The following CDCA2 variants were observed in gnomAD, a reference collection of about 807,000 sequenced individuals.
The protein encoded by CDCA2 is cell division cycle associated 2, also known as cell division cycle-associated protein 2.
A neutral mutation model predicts 67.0 loss-of-function variants in CDCA2; 44 were observed. That is an observed-to-expected ratio of 0.66 (90% CI 0.52 to 0.84). The LOEUF is 0.84. Among genes scored for constraint, CDCA2 ranks in the 40% least tolerant of loss-of-function variants. The probability of loss-of-function intolerance (pLI) is 0.00; values close to 1 mark genes in which losing one functional copy is unlikely to be tolerated. For missense variants in CDCA2, 1,253 were observed against 1,203.2 expected (o/e 1.04, Z -0.61); for synonymous variants, 447 against 418.7 (o/e 1.07, Z -0.82).
intron 4 of CDCA2, among the ~76,000 whole-genome samples, chr8:25,464,883 G>C (rs1802838604): frequency 6.6e-6 from 1 of 152,124 alleles, no homozygotes; most frequent in Non-Finnish European, 1.5e-5. Flanking sequence ...TAGAGAATTT[G>C]CTTTATATTT....
chr8:25,463,544 G>C (rs1440251804), intron 4 of CDCA2, among the ~76,000 whole-genome samples: 1 of 151,802 alleles, frequency 6.6e-6, no homozygotes, highest in Non-Finnish European at 1.5e-5. Flanking sequence ...GACTGTTCCT[G>C]GTTTATACAT....
At chr8:25,478,170 C>T (rs1325238197) in intron 7 of CDCA2, among the ~76,000 whole-genome samples, 31 of 152,056 alleles carry the variant, frequency 2.0e-4, no homozygotes. Flanking sequence ...AGCAATCCTT[C>T]CATTCCACCT....
Position 25,507,526 on chromosome 8 carries a change from G to A in CDCA2, c.2860G>A (p.Val954Ile), listed in dbSNP as rs147641260. ...ACAAAAACCGCAGATGGCACCTCCC[G>A]TCTCAGATCCAGAAAACAGCCAGGG... Reference protein sequence around the residue: ...SRQKPQMAPPVSDPENSQGPA... With the variant: ...SRQKPQMAPPISDPENSQGPA... The change falls in exon 15 of 15, where the codon GTC (valine) becomes ATC (isoleucine). Residue 954 changes from valine (V) to isoleucine (I), a missense_variant. Transcript: ENST00000330560. 284 of 1,613,780 alleles carry A rather than the reference G, an allele frequency of 1.8e-4. No homozygotes were observed. The highest frequency in any genetic ancestry group is 2.3e-4 in the Non-Finnish European group (268 of 1,179,968).
At chr8:25,497,059 TG>T (rs1804251729) in intron 13 of CDCA2, among the ~76,000 whole-genome samples, 1 of 151,862 alleles carries the variant, frequency 6.6e-6, no homozygotes, top group African/African-American at 2.4e-5. Flanking sequence ...CTCTGGTGAG[TG>T]ATGGTGGTAG....
Position 25,507,552 on chromosome 8 carries a change from C to T in CDCA2, c.2886C>T (p.Gly962=). 6.2e-7 allele frequency: 1 copy of T among 1,614,138 alleles called. No individual in the cohort carries two copies. The highest frequency in any genetic ancestry group is 8.5e-7 in the Non-Finnish European group (1 of 1,179,998). Residue 962 remains glycine, a synonymous_variant, in exon 15 of 15, where the codon GGC becomes GGT. Coordinates refer to ENST00000330560, the MANE Select transcript of CDCA2 (RefSeq NM_152562.4). ...TCTCAGATCCAGAAAACAGCCAGGG[C>T]CCTGCTGCTGGTTCTTCCGATGAAC... ...PPVSDPENSQ[G]PAAGSSDEPG...
At chr8:25,498,234 G>A (rs1425686528) in intron 13 of CDCA2, among the ~76,000 whole-genome samples, 2 of 152,102 alleles carry the variant, frequency 1.3e-5, no homozygotes, top group South Asian at 2.1e-4. Context: ...TTGGAATGGA[G>A]TCTCGCTCTG....
At chr8:25,481,233 C>CAAA (rs11438950) in intron 8 of CDCA2, among the ~76,000 whole-genome samples, 18 of 128,724 alleles carry the variant, frequency 1.4e-4, no homozygotes, top group Non-Finnish European at 2.3e-4. Flanking sequence ...CAGTCTGGGA[C>CAAA]AAAAAAAAAA....
chr8:25,460,584 C>G (rs1220718669), intron 3 of CDCA2, 30 bp downstream of exon 3: 2 of 1,582,680 alleles, frequency 1.3e-6, no homozygotes, highest in African/African-American at 1.4e-5. Context: ...TGTTGTAATG[C>G]TTTTCAAGTT....
chr8:25,469,831 C>G, intron 6 of CDCA2, 65 bp from the exon 7 acceptor site: 1 of 975,714 alleles, frequency 1.0e-6, no homozygotes, highest in Non-Finnish European at 1.6e-6. Context: ...TTACTCAAAT[C>G]TTCAAAAAGG....
Position 25,507,514 on chromosome 8 carries a change from A to T in CDCA2, c.2848A>T (p.Met950Leu), listed in dbSNP as rs1804732446. Residue 950 changes from methionine to leucine, a missense_variant, in exon 15 of 15, where the codon ATG (methionine) becomes TTG (leucine). By Grantham distance (15) the Met-to-Leu change is conservative. Transcript: ENST00000330560. The part of the protein sequence containing the change: ...ETVSSRQKPQ[M>L]APPVSDPENS... ...TGTGTCCTCCAGACAAAAACCGCAGATGGCACCTCCCGTCTCAGATCCAGA... is the reference window on the plus strand; with the variant it reads ...TGTGTCCTCCAGACAAAAACCGCAGTTGGCACCTCCCGTCTCAGATCCAGA... 1.2e-6 allele frequency: 2 copies of T among 1,613,834 alleles called. No individual in the cohort carries two copies. Among genetic ancestry groups the T allele is most frequent in the Non-Finnish European group, 1.7e-6 (2 of 1,179,926 alleles).
In CDCA2 at chr8:25,503,601, T is replaced by C. The variant is rs775323499; in HGVS notation, c.1843+57T>C. 9.9e-6 allele frequency: 15 copies of C among 1,522,366 alleles called. No homozygotes were observed. In the African/African-American group the frequency reaches 2.0e-4, roughly 20 times the overall value. The allele number at this position is 1,522,366 out of a possible 1,614,324, so 94.3% of individuals were successfully genotyped here. ...TATCTTTTCTCTTCACCCTCTTTGT[T>C]GCTATTTTACTTTTTTCACTTTTTT... On this transcript the variant is annotated intron_variant, in intron 14 of 14. Transcript: ENST00000330560.
intron 4 of CDCA2, among the ~76,000 whole-genome samples, chr8:25,464,755 T>C (rs574576533): frequency 6.6e-6 from 1 of 152,340 alleles, no homozygotes; most frequent in Admixed American, 6.5e-5. Context: ...AGATCATCTT[T>C]TCCCTGTCGT....
chr8:25,503,475 C>A lies in CDCA2; in HGVS notation c.1774C>A (p.Pro592Thr). ...TGCTTCTAAGAAGCCCCTCCTCAGT[C>A]CTATTCCCGAGCTGCCTGAAGTCCC... Reference protein sequence around the residue: ...DIASKKPLLSPIPELPEVPEM... With the variant: ...DIASKKPLLSTIPELPEVPEM... Residue 592 changes from proline to threonine, a missense_variant, in exon 14 of 15, where the codon CCT becomes ACT. Coordinates refer to ENST00000330560, the MANE Select transcript of CDCA2 (RefSeq NM_152562.4). The A allele has an allele frequency of 1.2e-6, 2 of 1,613,994 alleles. No individual in the cohort carries two copies. The highest frequency in any genetic ancestry group is 1.7e-6 in the Non-Finnish European group (2 of 1,179,918).
chr8:25,466,146 T>C (rs1005514066), intron 4 of CDCA2, 29 bp from the exon 5 acceptor site: 4 of 1,576,488 alleles, frequency 2.5e-6, no homozygotes, highest in Admixed American at 2.0e-5. Flanking sequence ...TTGATTATAA[T>C]ACTCCTTGTA....
In CDCA2 at chr8:25,507,722, GAGAA is replaced by G. The variant is rs763895874; in HGVS notation, c.3063_3066del (p.Arg1021SerfsTer4). On this transcript the variant is annotated frameshift_variant, in exon 15 of 15. Transcript: ENST00000330560. LOFTEE classifies it high-confidence loss of function. Reference sequence around the variant, plus strand: ...GCCTTGGAAAGGATTGAACATAATGGAGAAAGAAAGCAGTAATTGACATTTCCTG... The same window carrying G: ...GCCTTGGAAAGGATTGAACATAATGGAGAAAGCAGTAATTGACATTTCCTG... 6.2e-7 allele frequency: 1 copy of G among 1,609,858 alleles called. No individual in the cohort carries two copies. The highest frequency in any genetic ancestry group is 8.5e-7 in the Non-Finnish European group (1 of 1,178,888).
intron 13 of CDCA2, among the ~76,000 whole-genome samples, chr8:25,491,393 G>A (rs1803997421): frequency 2.0e-5 from 3 of 152,162 alleles, no homozygotes; most frequent in Admixed American, 2.0e-4. Context: ...CAGGGGGTAG[G>A]CCTGTAACTG....
Position 25,485,831 on chromosome 8 carries a change from C to T in CDCA2, c.1438C>T (p.Leu480Phe). The stretch of plus-strand genomic sequence containing the variant: ...TAATAAATCATCAATCTCTGAGACC[C>T]TTTCAGGTAGTAACTTGTTTATCTT... Reference protein sequence around the residue: ...SPNKSSISETLSGTDTFSSSN... With the variant: ...SPNKSSISETFSGTDTFSSSN... The change falls in exon 11 of 15, where the codon CTT becomes TTT. Residue 480 changes from leucine to phenylalanine, a missense_variant. Transcript: ENST00000330560. 1 of 1,570,078 alleles carries T rather than the reference C, an allele frequency of 6.4e-7. No individual in the cohort carries two copies. The highest frequency in any genetic ancestry group is 1.1e-5 in the South Asian group (1 of 88,694).
At chr8:25,488,824 T>C (rs1315700523) in intron 13 of CDCA2, 135 bp downstream of exon 13, 2 of 683,202 alleles carry the variant, frequency 2.9e-6, no homozygotes, top group Non-Finnish European at 4.2e-6. Flanking sequence ...TACCGTGGAG[T>C]AGAATGGGGT....
At chr8:25,500,924 T>C (rs1804449183) in intron 13 of CDCA2, among the ~76,000 whole-genome samples, 1 of 152,210 alleles carries the variant, frequency 6.6e-6, no homozygotes, top group Admixed American at 6.5e-5. Flanking sequence ...GAGTCAAGAC[T>C]TTAACCCAAA....
Sources: allele counts gnomAD v4.1 joint callset (sites outside exome capture counted in the v4.1 genomes callset), GRCh38; gene constraint gnomAD v4.1.1; transcripts MANE v1.5; gene names NCBI Gene and HGNC (gene_info 2026-07-23, HGNC 2026-07-21).